Variants in PLCG2 observed in about 807,000 individuals in gnomAD.
PLCG2 encodes phospholipase C gamma 2.
Under a neutral mutation model 175.6 loss-of-function variants are expected in PLCG2, and 69 were observed. The observed-to-expected ratio is 0.39, with a 90% CI of 0.32 to 0.48. The LOEUF is 0.48. Among genes scored for constraint, PLCG2 ranks in the 20% least tolerant of loss-of-function variants. The pLI is 0.91. For synonymous variants in PLCG2, 827 were observed against 624.0 expected (o/e 1.33, Z -4.85); for missense variants, 1,798 against 1,650.9 (o/e 1.09, Z -1.54).
intron 2 of PLCG2, among the ~76,000 whole-genome samples, chr16:81,851,535 C>T (rs186142075): frequency 9.2e-5 from 14 of 152,018 alleles, no homozygotes; most frequent in East Asian, 1.9e-4. Context: ...GTTGTTGAGG[C>T]GAAGTCTCAC....
intron 22 of PLCG2, among the ~76,000 whole-genome samples, chr16:81,925,865 G>A (rs1238533208): frequency 6.9e-6 from 1 of 144,916 alleles, no homozygotes; most frequent in East Asian, 2.0e-4. Context: ...CAGCCTGGGG[G>A]ACAGAGTGAG....
chr16:81,837,319 G>C (rs937475538), intron 2 of PLCG2, among the ~76,000 whole-genome samples: 1 of 152,224 alleles, frequency 6.6e-6, no homozygotes, highest in Non-Finnish European at 1.5e-5. Flanking sequence ...AGGAATTGTG[G>C]TCCCAGCTGG....
intron 2 of PLCG2, among the ~76,000 whole-genome samples, chr16:81,810,451 G>C (rs1384344497): frequency 6.6e-6 from 1 of 152,148 alleles, no homozygotes; most frequent in African/African-American, 2.4e-5. Context: ...TTTGCAACCT[G>C]CAAACCAGTA....
chr16:81,872,456 G>A (rs1198639770), intron 7 of PLCG2, among the ~76,000 whole-genome samples: 1 of 152,218 alleles, frequency 6.6e-6, no homozygotes, highest in African/African-American at 2.4e-5. Context: ...AAGGGGTTGG[G>A]AAGATAGGCA....
chr16:81,767,740 C>A (rs1366028314), intron 2 of PLCG2: 1 of 152,118 alleles, frequency 6.6e-6, no homozygotes, highest in South Asian at 2.1e-4. Context: ...TCCCCAATTC[C>A]CTTATGCTCT....
chr16:81,789,330 G>A (rs1032062794), intron 2 of PLCG2, among the ~76,000 whole-genome samples: 1 of 152,176 alleles, frequency 6.6e-6, no homozygotes, highest in East Asian at 1.9e-4. Context: ...TTGCTCTGTT[G>A]CCCAGGCTAG....
intron 4 of PLCG2, 108 bp from the exon 5 acceptor site, chr16:81,859,008 C>G: frequency 1.5e-6 from 1 of 659,684 alleles, no homozygotes. Flanking sequence ...GAAGACTCCT[C>G]CTTTTGGTTC....
Position 81,960,843 on chromosome 16 carries a change from G to A in PLCG2, c.*2845G>A. ...ACCAGAGCTTTCCAAGGAATACACA[G>A]ACTCCAGTACTCTCAGGGGAGCAGT... is the stretch of plus-strand genomic sequence containing the variant. On this transcript the variant is annotated 3_prime_UTR_variant, in exon 33 of 33. Coordinates refer to ENST00000564138, the MANE Select transcript of PLCG2 (RefSeq NM_002661.5). 4.4e-6 allele frequency: 1 copy of A among 229,868 alleles called. No individual in the cohort carries two copies. Among genetic ancestry groups the A allele is most frequent in the African/African-American group, 2.2e-5 (1 of 45,276 alleles). The allele number at this position is 229,868 out of a possible 1,614,324, so 14.2% of individuals were successfully genotyped here. A position where few individuals can be genotyped will look rare whatever the true frequency, so the allele number is the denominator to read the frequency against.
At position 81,961,366 on chromosome 16, in the gene PLCG2, C is replaced by T. The variant is rs1911771459; in HGVS notation, c.*3368C>T. 4.4e-6 allele frequency: 1 copy of T among 226,062 alleles called. No homozygotes were observed. Among genetic ancestry groups the T allele is most frequent in the African/African-American group, 2.2e-5 (1 of 44,954 alleles). The allele number at this position is 226,062 out of a possible 1,614,324, so 14.0% of individuals were successfully genotyped here. A position where few individuals can be genotyped will look rare whatever the true frequency, so the allele number is the denominator to read the frequency against. Reference sequence around the variant, plus strand: ...TTGTGGAGAAAAGCCCTCTTTATCTCATTAAGTGATACATTTCCAAAGAAG... The same window carrying T: ...TTGTGGAGAAAAGCCCTCTTTATCTTATTAAGTGATACATTTCCAAAGAAG... On this transcript the variant is annotated 3_prime_UTR_variant, in exon 33 of 33. Coordinates refer to ENST00000564138, the MANE Select transcript of PLCG2 (RefSeq NM_002661.5).
At chr16:81,843,990 T>C (rs1905973145) in intron 2 of PLCG2, among the ~76,000 whole-genome samples, 1 of 151,886 alleles carries the variant, frequency 6.6e-6, no homozygotes. Flanking sequence ...TTTCTTTTTT[T>C]TTTTGAGAAG....
At chr16:81,838,901 C>T (rs572519962) in intron 2 of PLCG2, among the ~76,000 whole-genome samples, 1 of 151,792 alleles carries the variant, frequency 6.6e-6, no homozygotes, top group Non-Finnish European at 1.5e-5. Context: ...TTCCTCGGGT[C>T]CCGGTGACCC....
intron 2 of PLCG2, among the ~76,000 whole-genome samples, chr16:81,843,548 C>G (rs966248204): frequency 9.2e-5 from 14 of 152,312 alleles, no homozygotes; most frequent in African/African-American, 2.9e-4. Context: ...AATCAGCCTA[C>G]CAATATTTTT....
intron 17 of PLCG2, among the ~76,000 whole-genome samples, chr16:81,909,901 C>T (rs1481106415): frequency 6.6e-6 from 1 of 151,688 alleles, no homozygotes; most frequent in Non-Finnish European, 1.5e-5. Context: ...GCTCAGACAG[C>T]ACGGGTGACC....
intron 1 of PLCG2, among the ~76,000 whole-genome samples, chr16:81,755,307 C>T (rs1909898647): frequency 6.6e-6 from 1 of 151,956 alleles, no homozygotes; most frequent in Non-Finnish European, 1.5e-5. Flanking sequence ...AGTGATCCTC[C>T]CGCCTCAGTC....
chr16:81,743,716 T>A (rs1909645236), intron 1 of PLCG2, among the ~76,000 whole-genome samples: 1 of 152,160 alleles, frequency 6.6e-6, no homozygotes, highest in Non-Finnish European at 1.5e-5. Flanking sequence ...ACAGCCTGCC[T>A]GGAGGTGAGG....
intron 2 of PLCG2, among the ~76,000 whole-genome samples, chr16:81,833,811 G>A (rs1228252332): frequency 2.0e-5 from 3 of 152,288 alleles, no homozygotes; most frequent in Non-Finnish European, 2.9e-5. Context: ...GCCTCCCAAA[G>A]TGGTGGGGTT....
chr16:81,951,181 T>G (rs1467386814), intron 31 of PLCG2, among the ~76,000 whole-genome samples: 2 of 152,068 alleles, frequency 1.3e-5, no homozygotes, highest in Non-Finnish European at 2.9e-5. Context: ...GGGCCCTGCT[T>G]TGCTGCCTAG....
At chr16:81,785,761 T>C (rs1454132831) in intron 1 of PLCG2, 182 bp from the exon 2 acceptor site, 11 of 478,418 alleles carry the variant, frequency 2.3e-5, no homozygotes, top group Non-Finnish European at 4.1e-5. Context: ...TCAGTTTCCA[T>C]TTAAACCTTT....
rs1411189131 is a variant in PLCG2 at position 81,876,062 on chromosome 16, G to C, written c.649-4848G>C. Reference sequence around the variant, plus strand: ...TGTTTTTGAGACAGGGTCTCACTTTGTCACCGAGGCTGGGGTGCAGTGGTA... The same window carrying C: ...TGTTTTTGAGACAGGGTCTCACTTTCTCACCGAGGCTGGGGTGCAGTGGTA... On this transcript the variant is annotated intron_variant, in intron 7 of 32. Transcript: ENST00000564138. Among the ~76,000 whole-genome samples, 5 of 96,738 alleles carry C rather than the reference G, an allele frequency of 5.2e-5. No individual in the cohort carries two copies. In the East Asian group the frequency reaches 1.9e-3, roughly 36 times the overall value. The allele number at this position is 96,738 out of a possible 152,430, so 63.5% of individuals were successfully genotyped here. A position where few individuals can be genotyped will look rare whatever the true frequency, so the allele number is the denominator to read the frequency against.
Sources: gnomAD v4.1 joint callset for allele counts (sites outside exome capture counted in the v4.1 genomes callset) on GRCh38, gnomAD v4.1.1 for gene constraint, MANE v1.5 for transcripts, NCBI Gene and HGNC (gene_info 2026-07-23, HGNC 2026-07-21) for gene names.